Variants in FBXO10 observed in about 807,000 individuals in gnomAD.
The protein encoded by FBXO10 is F-box only protein 10.
A neutral mutation model predicts 80.7 loss-of-function variants in FBXO10; 39 were observed. The ratio of observed to expected loss-of-function variants is 0.48; its 90% CI spans 0.37 to 0.63. The LOEUF (loss-of-function observed/expected upper bound fraction) is 0.63. FBXO10 is among the 30% of genes least tolerant of loss of function. The probability of loss-of-function intolerance (pLI) is 0.00; values close to 1 mark genes in which losing one functional copy is unlikely to be tolerated. For synonymous variants in FBXO10, 449 were observed against 489.6 expected (o/e 0.92, Z 1.09); for missense variants, 1,025 against 1,269.0 (o/e 0.81, Z 2.92).
At chr9:37,551,816 CT>C (rs1351370028) in intron 1 of FBXO10, among the ~76,000 whole-genome samples, 1 of 152,210 alleles carries the variant, frequency 6.6e-6, no homozygotes, top group Non-Finnish European at 1.5e-5. Flanking sequence ...TTCTGCTTCC[CT>C]TTTAATTATA....
intron 9 of FBXO10, among the ~76,000 whole-genome samples, chr9:37,516,960 CAA>C (rs56108001): frequency 1.8e-5 from 2 of 112,444 alleles, no homozygotes; most frequent in Admixed American, 9.4e-5. Context: ...AACTCCATCT[CAA>C]AAAAAAAAAA....
At position 37,532,137 on chromosome 9, in the gene FBXO10, T is replaced by C. The variant is rs1044622951; in HGVS notation, c.1420-79A>G. The C allele has an allele frequency of 1.3e-5, 19 of 1,452,164 alleles. No homozygotes were observed. The African/African-American group carries it at 2.7e-4, about 21-fold the overall frequency. The allele number at this position is 1,452,164 out of a possible 1,614,324, so 90.0% of individuals were successfully genotyped here. A position where few individuals can be genotyped will look rare whatever the true frequency, so the allele number is the denominator to read the frequency against. The stretch of plus-strand genomic sequence containing the variant: ...AACCACTGGAGGAACACCTGAGTCT[T>C]TTCCGCACCACCTGATCCATGCAGT... On this transcript the variant is annotated intron_variant, in intron 3 of 10. Transcript: ENST00000432825.
chr9:37,566,544 T>C (rs1027963458), intron 1 of FBXO10, among the ~76,000 whole-genome samples: 1 of 151,860 alleles, frequency 6.6e-6, no homozygotes, highest in Admixed American at 6.6e-5. Context: ...AAAATTTCTC[T>C]TCCAACATTA....
chr9:37,567,599 T>C (rs927452869), intron 1 of FBXO10, among the ~76,000 whole-genome samples: 11 of 152,212 alleles, frequency 7.2e-5, no homozygotes, highest in African/African-American at 2.4e-4. Flanking sequence ...AGTTTATATA[T>C]ATGTGATGGT....
rs1821046601 is a variant in FBXO10, at chr9:37,511,239, T to C, written c.*1308A>G. 1.3e-5 allele frequency: 2 copies of C among 152,612 alleles called. No individual in the cohort carries two copies. The highest frequency in any genetic ancestry group is 2.1e-4 in the South Asian group (1 of 4,822). The allele number at this position is 152,612 out of a possible 1,614,324, so 9.5% of individuals were successfully genotyped here. A position where few individuals can be genotyped will look rare whatever the true frequency, so the allele number is the denominator to read the frequency against. On this transcript the variant is annotated 3_prime_UTR_variant, in exon 11 of 11. Coordinates refer to ENST00000432825, the MANE Select transcript of FBXO10 (RefSeq NM_012166.3). ...ACAGGAAAGGCCGAGTGGGAGGGGA[T>C]TGTTCAGGTTGAGCTGGCCCTGCAT...
chr9:37,521,636 C>G lies in FBXO10; in HGVS notation c.2133G>C (p.Glu711Asp), dbSNP rs1230074370. 9 of 1,613,850 alleles carry G rather than the reference C, an allele frequency of 5.6e-6. No individual in the cohort carries two copies. The African/African-American group carries it at 1.1e-4, about 19-fold the overall frequency. The change falls in exon 8 of 11, where the codon GAG becomes GAC. Residue 711 changes from glutamate (E) to aspartate (D), a missense_variant. Glu to Asp is a conservative substitution (Grantham distance 45). Around this residue, in one of 3 missense-constraint regions of FBXO10, gnomAD observed 478 missense variants for 667.8 expected, o/e 0.72. Coordinates refer to ENST00000432825, the MANE Select transcript of FBXO10 (RefSeq NM_012166.3). The part of the protein sequence containing the change: ...AILWETELEK[E>D]DDPLRRPITI... ...TGATGGGCCGGCGCAGTGGGTCGTC[C>G]TCCTTCTCCAGCTCTGTCTCCCAGA...
chr9:37,529,372 C>A, intron 4 of FBXO10, 112 bp from the exon 5 acceptor site: 2 of 1,223,570 alleles, frequency 1.6e-6, no homozygotes, highest in South Asian at 2.9e-5. Flanking sequence ...GAGAAAATGA[C>A]GTCACTGTAA....
chr9:37,568,120 ATGTTCT>A (rs1421424373), intron 1 of FBXO10, among the ~76,000 whole-genome samples: 1 of 152,158 alleles, frequency 6.6e-6, no homozygotes. Flanking sequence ...AAGCCAACTG[ATGTTCT>A]TTTTCAAGTT....
intron 1 of FBXO10, among the ~76,000 whole-genome samples, chr9:37,569,105 A>C (rs746743202): frequency 2.0e-5 from 3 of 152,160 alleles, no homozygotes; most frequent in Non-Finnish European, 4.4e-5. Context: ...AAACTTCCTT[A>C]TAAGTTTTCC....
chr9:37,544,791 G>A (rs1330680233), intron 1 of FBXO10, among the ~76,000 whole-genome samples: 2 of 151,948 alleles, frequency 1.3e-5, no homozygotes. Flanking sequence ...TCAGGAGATC[G>A]AGACCATCCT....
chr9:37,574,400 C>T (rs1358502000), intron 1 of FBXO10, among the ~76,000 whole-genome samples: 3 of 151,966 alleles, frequency 2.0e-5, no homozygotes, highest in African/African-American at 7.2e-5. Flanking sequence ...GCTACTTGTG[C>T]GATCATAAAA....
chr9:37,518,448 G>C lies in FBXO10; in HGVS notation c.2201-10C>G. The C allele has an allele frequency of 6.4e-7, 1 of 1,566,900 alleles. No individual in the cohort carries two copies. The highest frequency in any genetic ancestry group is 1.2e-5 in the South Asian group (1 of 82,512). ...ACATAGAGTCCTGAGGCTATGGGTG[G>C]AAGGGTTGGAAAGCACAGGGGGTCC... On this transcript the variant is annotated splice_polypyrimidine_tract_variant and intron_variant, in intron 8 of 10. Transcript: ENST00000432825.
chr9:37,567,691 G>A (rs915325220), intron 1 of FBXO10, among the ~76,000 whole-genome samples: 6 of 152,070 alleles, frequency 3.9e-5, no homozygotes, highest in African/African-American at 1.4e-4. Flanking sequence ...CACCATGCCT[G>A]GCTAATTTTT....
intron 1 of FBXO10, among the ~76,000 whole-genome samples, chr9:37,571,930 T>G (rs1822770112): frequency 6.6e-6 from 1 of 150,664 alleles, no homozygotes; most frequent in African/African-American, 2.4e-5. Flanking sequence ...AGTCCAGGAG[T>G]TTGAGACCAG....
rs373616919 is a variant in FBXO10, at chr9:37,541,617, C to T, written c.152G>A (p.Gly51Asp). The change falls in exon 2 of 11, where the codon GGT (glycine) becomes GAT (aspartate). Residue 51 changes from glycine (G) to aspartate (D), a missense_variant. Physicochemically the swap from Gly to Asp is moderately conservative, Grantham distance 94. Transcript: ENST00000432825. Reference protein sequence around the residue: ...DSTRWRQLCLGCTECRHPNWP... With the variant: ...DSTRWRQLCLDCTECRHPNWP... ...ATTGGGATGGCGGCACTCGGTGCAA[C>T]CCAGACACAGCTGCCGCCAGCGGGT... 18 of 1,613,702 alleles carry T rather than the reference C, an allele frequency of 1.1e-5. No homozygotes were observed. In the African/African-American group the frequency reaches 2.3e-4, roughly 20 times the overall value.
intron 9 of FBXO10, among the ~76,000 whole-genome samples, chr9:37,517,417 C>T (rs1213171081): frequency 2.7e-5 from 4 of 145,746 alleles, no homozygotes; most frequent in African/African-American, 8.3e-5. Flanking sequence ...GGAACAAGAT[C>T]TGTTTGGCTC....
chr9:37,543,071 G>T (rs1022673699), intron 1 of FBXO10, among the ~76,000 whole-genome samples: 3 of 152,166 alleles, frequency 2.0e-5, no homozygotes, highest in African/African-American at 7.2e-5. Context: ...CCCACGTGGG[G>T]CAGCCCCAGG....
Position 37,512,558 on chromosome 9 carries a change from TGCA to T in FBXO10, c.2857_2859del (p.Cys953del). 6.2e-7 allele frequency: 1 copy of T among 1,613,700 alleles called. No individual in the cohort carries two copies. The highest frequency in any genetic ancestry group is 1.1e-5 in the South Asian group (1 of 91,032). Reference sequence around the variant, plus strand: ...GCAGGTCTGTGTCCTCACAGGATGGTGCAGAAGACACTGCGGTTGCTGTGGTAA... The same window carrying T: ...GCAGGTCTGTGTCCTCACAGGATGGTGAAGACACTGCGGTTGCTGTGGTAA... On this transcript the variant is annotated inframe_deletion, in exon 11 of 11. Transcript: ENST00000432825.
intron 1 of FBXO10, among the ~76,000 whole-genome samples, chr9:37,555,005 C>T (rs546194178): frequency 2.0e-5 from 3 of 152,232 alleles, no homozygotes; most frequent in South Asian, 2.1e-4. Context: ...CTATTTTACA[C>T]GCCTACCAAG....
Sources: gnomAD v4.1 joint callset for allele counts (sites outside exome capture counted in the v4.1 genomes callset) on GRCh38, gnomAD v4.1.1 for gene constraint, gnomAD v4.1.1 regional missense constraint, MANE v1.5 for transcripts, NCBI Gene and HGNC (gene_info 2026-07-23, HGNC 2026-07-21) for gene names.